The following FAF1 variants were observed in gnomAD, a reference collection of about 807,000 sequenced individuals.
The protein encoded by FAF1 is Fas associated factor 1, also known as FAS-associated factor 1.
Under a neutral mutation model 92.5 loss-of-function variants are expected in FAF1, and 25 were observed. That is an observed-to-expected ratio of 0.27 (90% CI 0.20 to 0.38). The LOEUF is 0.38. Among genes scored for constraint, FAF1 ranks in the 10% least tolerant of loss-of-function variants. The probability of loss-of-function intolerance (pLI) is 1.00; values close to 1 mark genes in which losing one functional copy is unlikely to be tolerated. For synonymous variants in FAF1, 234 were observed against 273.2 expected, an observed-to-expected ratio of 0.86 and a Z score of 1.42; for missense variants, 636 against 793.3, an observed-to-expected ratio of 0.80 and a Z score of 2.38.
chr1:50,549,121 C>T (rs368153348), intron 13 of FAF1, among the ~76,000 whole-genome samples: 6 of 152,156 alleles, frequency 3.9e-5, no homozygotes, highest in African/African-American at 1.2e-4. Context: ...ATTCTTTACA[C>T]CATGCTTGCC....
At chr1:50,715,145 A>G (rs1276681930) in intron 6 of FAF1, 1 of 241,720 alleles carries the variant, frequency 4.1e-6, no homozygotes, top group African/African-American at 2.2e-5. Flanking sequence ...TGTTCAAAAT[A>G]TAATCAGAAT....
chr1:50,745,748 A>G (rs1253898067), intron 4 of FAF1, among the ~76,000 whole-genome samples: 1 of 152,174 alleles, frequency 6.6e-6, no homozygotes, highest in Non-Finnish European at 1.5e-5. Flanking sequence ...CAAATTATCC[A>G]GTCTCGGGTA....
intron 4 of FAF1, among the ~76,000 whole-genome samples, chr1:50,767,034 AG>A (rs1418526825): frequency 6.6e-6 from 1 of 152,218 alleles, no homozygotes; most frequent in African/African-American, 2.4e-5. Flanking sequence ...ATCAAGATTC[AG>A]GAGAAAGCTG....
At position 50,606,489 on chromosome 1, in the gene FAF1, CTTTTTTTTTTTTT is replaced by C. The variant is rs34498946; in HGVS notation, c.745-10286_745-10274del. Reference sequence around the variant, plus strand: ...AGATATATTGTAGCTGTGAGAGTTGCTTTTTTTTTTTTTTTTTTTTTTTTTTTGAGACGGAGTT... The same window carrying C: ...AGATATATTGTAGCTGTGAGAGTTGCTTTTTTTTTTTTTTGAGACGGAGTT... On this transcript the variant is annotated intron_variant, in intron 8 of 18. Coordinates refer to ENST00000396153, the MANE Select transcript of FAF1 (RefSeq NM_007051.3). 4.4e-4 allele frequency among the ~76,000 whole-genome samples: 26 copies of C among 58,556 alleles called. 1 individual carries two copies. In the South Asian group the frequency reaches 5.5e-3, roughly 12 times the overall value. The allele number at this position is 58,556 out of a possible 152,430, so 38.4% of individuals were successfully genotyped here. A position where few individuals can be genotyped will look rare whatever the true frequency, so the allele number is the denominator to read the frequency against.
chr1:50,904,614 C>T (rs1476754626), intron 1 of FAF1, among the ~76,000 whole-genome samples: 4 of 152,062 alleles, frequency 2.6e-5, no homozygotes, highest in African/African-American at 4.8e-5. Flanking sequence ...GATTTTCCTA[C>T]CTATGTCATC....
chr1:50,543,357 A>C (rs998437126), intron 13 of FAF1, among the ~76,000 whole-genome samples: 1 of 152,140 alleles, frequency 6.6e-6, no homozygotes, highest in South Asian at 2.1e-4. Flanking sequence ...GTGCTGTAAA[A>C]GGAAGAATAT....
chr1:50,953,953 T>A (rs998115784), intron 1 of FAF1, among the ~76,000 whole-genome samples: 1 of 145,146 alleles, frequency 6.9e-6, no homozygotes, highest in South Asian at 2.1e-4. Context: ...AGAATACATT[T>A]TTTTTTTTTA....
chr1:50,922,308 A>C (rs1218857028), intron 1 of FAF1, among the ~76,000 whole-genome samples: 2 of 151,160 alleles, frequency 1.3e-5, no homozygotes, highest in Non-Finnish European at 2.9e-5. Context: ...AAAATACAAA[A>C]ATTAGCTGAG....
At chr1:50,763,662 CTTCATA>C (rs1660446503) in intron 4 of FAF1, among the ~76,000 whole-genome samples, 1 of 152,112 alleles carries the variant, frequency 6.6e-6, no homozygotes, top group Non-Finnish European at 1.5e-5. Context: ...ATTGCTATGT[CTTCATA>C]TTCACTGACC....
chr1:50,849,723 A>C lies in FAF1; in HGVS notation c.114+8206T>G, dbSNP rs77256946. On this transcript the variant is annotated intron_variant, in intron 2 of 18. Coordinates refer to ENST00000396153, the MANE Select transcript of FAF1 (RefSeq NM_007051.3). ...AGTTTTGGCATAAGTAAAACATAAT[A>C]AATATCCTTGTAAAAAAAAGAGTCA... 1.8e-3 allele frequency among the ~76,000 whole-genome samples: 280 copies of C among 152,296 alleles called. 1 individual carries two copies. Among genetic ancestry groups the C allele is most frequent in the African/African-American group, 6.4e-3 (266 of 41,570 alleles).
intron 7 of FAF1, among the ~76,000 whole-genome samples, chr1:50,697,709 G>A (rs943335803): frequency 3.3e-5 from 5 of 151,972 alleles, no homozygotes; most frequent in Admixed American, 6.6e-5. Flanking sequence ...GTCTGGTCAC[G>A]CAATGACCAC....
chr1:50,842,586 T>C (rs1159725170), intron 2 of FAF1, among the ~76,000 whole-genome samples: 1 of 152,028 alleles, frequency 6.6e-6, no homozygotes, highest in Non-Finnish European at 1.5e-5. Flanking sequence ...GCACACTCCT[T>C]TGCTCACTAT....
At chr1:50,769,492 A>C (rs1660702285) in intron 4 of FAF1, among the ~76,000 whole-genome samples, 1 of 152,154 alleles carries the variant, frequency 6.6e-6, no homozygotes, top group Admixed American at 6.6e-5. Context: ...ACACAACAAA[A>C]AATGAAAGCT....
chr1:50,576,373 G>A (rs1317471970), intron 12 of FAF1, among the ~76,000 whole-genome samples: 1 of 152,152 alleles, frequency 6.6e-6, no homozygotes, highest in Non-Finnish European at 1.5e-5. Flanking sequence ...AAGCACTGGT[G>A]TGAAGTCAGA....
intron 9 of FAF1, among the ~76,000 whole-genome samples, chr1:50,586,640 G>C (rs760314506): frequency 5.3e-5 from 8 of 152,064 alleles, no homozygotes; most frequent in African/African-American, 1.9e-4. Flanking sequence ...GGAAACACTG[G>C]TCCTCCTCCC....
chr1:50,786,039 A>AG (rs1198981848), intron 4 of FAF1, among the ~76,000 whole-genome samples: 1 of 151,990 alleles, frequency 6.6e-6, no homozygotes, highest in African/African-American at 2.4e-5. Context: ...AGGCCAAGGC[A>AG]GGGGGACTGC....
intron 13 of FAF1, among the ~76,000 whole-genome samples, chr1:50,541,779 A>T (rs181056967): frequency 1.8e-4 from 27 of 149,542 alleles, no homozygotes; most frequent in African/African-American, 6.0e-4. Context: ...GAAGAGAAAT[A>T]AAAAAAAAGG....
intron 7 of FAF1, among the ~76,000 whole-genome samples, chr1:50,693,938 T>G (rs1264417023): frequency 6.9e-6 from 1 of 145,062 alleles, no homozygotes; most frequent in African/African-American, 2.9e-5. Context: ...ACTCTTAAGA[T>G]ATTTACTATA....
At chr1:50,665,365 C>T (rs958366326) in intron 7 of FAF1, among the ~76,000 whole-genome samples, 4 of 152,184 alleles carry the variant, frequency 2.6e-5, no homozygotes, top group African/African-American at 9.7e-5. Flanking sequence ...ATAATCATAC[C>T]TGTAACCAAA....
Sources: allele counts gnomAD v4.1 joint callset (sites outside exome capture counted in the v4.1 genomes callset), GRCh38; gene constraint gnomAD v4.1.1; transcripts MANE v1.5; gene names NCBI Gene and HGNC (gene_info 2026-07-23, HGNC 2026-07-21).